The following ROBO1 variants were observed in gnomAD, a reference collection of about 807,000 sequenced individuals.
ROBO1 encodes roundabout homolog 1.
ROBO1 carries 149 observed loss-of-function variants against 195.9 expected under a neutral mutation model. That is an observed-to-expected ratio of 0.76 (90% CI 0.67 to 0.87). The LOEUF is 0.87. Ranked by LOEUF, ROBO1 falls within the 40% of genes least tolerant of loss-of-function variation. ROBO1 has a pLI of 0.00. For synonymous variants in ROBO1, 816 were observed against 733.2 expected (o/e 1.11, Z -1.82); for missense variants, 1,933 against 2,068.3 (o/e 0.93, Z 1.27).
chr3:78,659,866 G>T, intron 16 of ROBO1, 59 bp from the exon 17 acceptor site: 1 of 1,400,942 alleles, frequency 7.1e-7, no homozygotes, highest in Non-Finnish European at 9.6e-7. Flanking sequence ...CTGAAAGCAG[G>T]TAATTAATAT....
intron 1 of ROBO1, among the ~76,000 whole-genome samples, chr3:79,734,904 T>TAATTAATTTAATTAATTTAATAAC (rs1289616172): frequency 6.6e-6 from 1 of 152,220 alleles, no homozygotes; most frequent in Non-Finnish European, 1.5e-5. Flanking sequence ...TTTTAATTTG[T>TAATTAATTTAATTAATTTAATAAC]CTGGATGCTA....
At chr3:78,635,399 G>A (rs1705434527) in intron 23 of ROBO1, among the ~76,000 whole-genome samples, 1 of 152,098 alleles carries the variant, frequency 6.6e-6, no homozygotes, top group Admixed American at 6.6e-5. Context: ...TAACCACATA[G>A]AAGCAATTAT....
chr3:78,667,930 T>C lies in ROBO1; in HGVS notation c.1919A>G (p.Tyr640Cys), dbSNP rs368952773. Residue 640 changes from tyrosine to cysteine, a missense_variant, in exon 14 of 31, where the codon TAT becomes TGT. Transcript: ENST00000464233. ...YLFLVRAANAYGISDPSQISD... is the reference protein window; with the variant it reads ...YLFLVRAANACGISDPSQISD... Reference sequence around the variant, plus strand: ...TATTTGGCTTGGATCACTAATTCCATATGCATTAGCTGCCCTCACAAGGAA... The same window carrying C: ...TATTTGGCTTGGATCACTAATTCCACATGCATTAGCTGCCCTCACAAGGAA... 1.3e-5 allele frequency: 21 copies of C among 1,613,662 alleles called. No individual in the cohort carries two copies. The highest frequency in any genetic ancestry group is 2.2e-5 in the East Asian group (1 of 44,880).
At chr3:78,891,790 C>G (rs1576355289) in intron 4 of ROBO1, among the ~76,000 whole-genome samples, 1 of 152,162 alleles carries the variant, frequency 6.6e-6, no homozygotes, top group East Asian at 1.9e-4. Context: ...TGTGTGTAAA[C>G]TCATAGATGA....
intron 4 of ROBO1, among the ~76,000 whole-genome samples, chr3:78,806,173 T>C (rs1178048132): frequency 6.6e-6 from 1 of 152,076 alleles, no homozygotes; most frequent in East Asian, 1.9e-4. Flanking sequence ...AGGGTCTCAC[T>C]ATGTTAACCA....
chr3:79,691,558 T>C (rs1461711358), intron 1 of ROBO1, among the ~76,000 whole-genome samples: 1 of 151,708 alleles, frequency 6.6e-6, no homozygotes, highest in Non-Finnish European at 1.5e-5. Context: ...GGAAGGGAAA[T>C]TAGTTTTCTC....
At position 79,439,188 on chromosome 3, in the gene ROBO1, A is replaced by G. The variant is rs113347432; in HGVS notation, c.88+150636T>C. On this transcript the variant is annotated intron_variant, in intron 2 of 30. Transcript: ENST00000464233. ...TAATACCACTAATAAATATATGTCT[A>G]CAATGCTTATATAAAGGTATAGTTC... Among the ~76,000 whole-genome samples, 1,388 of 152,208 alleles carry G rather than the reference A, an allele frequency of 9.1e-3. 8 individuals are homozygous for G. The highest frequency in any genetic ancestry group is 0.015 in the Non-Finnish European group (1,010 of 67,960).
At chr3:79,117,348 C>T (rs537622220) in intron 3 of ROBO1, among the ~76,000 whole-genome samples, 27 of 151,046 alleles carry the variant, frequency 1.8e-4, no homozygotes, top group East Asian at 5.9e-4. Context: ...CCAGCCTGGG[C>T]GACAGAGAGA....
At chr3:79,568,392 A>C (rs1249956888) in intron 2 of ROBO1, among the ~76,000 whole-genome samples, 1 of 152,000 alleles carries the variant, frequency 6.6e-6, no homozygotes, top group African/African-American at 2.4e-5. Flanking sequence ...ATTAGAAAAT[A>C]AAAGGCTGGA....
At chr3:79,580,954 C>T (rs1262371642) in intron 2 of ROBO1, among the ~76,000 whole-genome samples, 3 of 152,164 alleles carry the variant, frequency 2.0e-5, no homozygotes, top group African/African-American at 7.2e-5. Flanking sequence ...AGCAATTCTT[C>T]CACGTGAAAT....
At chr3:79,721,013 C>T (rs547116219) in intron 1 of ROBO1, among the ~76,000 whole-genome samples, 24 of 152,214 alleles carry the variant, frequency 1.6e-4, no homozygotes, top group Non-Finnish European at 2.6e-4. Context: ...ACGATGGTCT[C>T]GATCTCCTGA....
intron 4 of ROBO1, among the ~76,000 whole-genome samples, chr3:78,937,149 T>TA (rs1384459546): frequency 2.0e-5 from 3 of 152,064 alleles, no homozygotes; most frequent in Non-Finnish European, 4.4e-5. Flanking sequence ...TTAAGTAATA[T>TA]GAGGCTCTGG....
intron 19 of ROBO1, among the ~76,000 whole-genome samples, chr3:78,650,767 A>C (rs1445010176): frequency 1.3e-5 from 2 of 152,180 alleles, no homozygotes; most frequent in Admixed American, 1.3e-4. Context: ...TGGGCCCTAT[A>C]ATTTGTATAA....
intron 2 of ROBO1, among the ~76,000 whole-genome samples, chr3:79,508,499 G>A (rs73114829): frequency 0.069 from 10,456 of 152,228 alleles, 439 homozygotes; most frequent in East Asian, 0.17. Context: ...AATACACTCA[G>A]TAACAAAGAT....
At position 79,100,160 on chromosome 3, in the gene ROBO1, A is replaced by G. The variant is rs1032106697; in HGVS notation, c.172+25296T>C. On this transcript the variant is annotated intron_variant, in intron 3 of 30. Coordinates refer to ENST00000464233, the MANE Select transcript of ROBO1 (RefSeq NM_002941.4). ...AGTTGGGGAAACACAGAAATCAAATAATGATACCAAACACATCTGGGCACC... is the reference window on the plus strand; with the variant it reads ...AGTTGGGGAAACACAGAAATCAAATGATGATACCAAACACATCTGGGCACC... Among the ~76,000 whole-genome samples, 13 of 151,932 alleles carry G rather than the reference A, an allele frequency of 8.6e-5. 1 individual carries two copies. The South Asian group carries it at 2.7e-3, about 31-fold the overall frequency.
At chr3:79,210,308 C>T (rs1380862784) in intron 2 of ROBO1, among the ~76,000 whole-genome samples, 8 of 152,132 alleles carry the variant, frequency 5.3e-5, no homozygotes, top group Admixed American at 4.6e-4. Flanking sequence ...ATGGTGCTGG[C>T]ATCAACATAG....
At chr3:78,899,587 G>T (rs185132229) in intron 4 of ROBO1, among the ~76,000 whole-genome samples, 17 of 152,076 alleles carry the variant, frequency 1.1e-4, no homozygotes, top group Admixed American at 5.9e-4. Context: ...CATAAATATG[G>T]CATTGCTATA....
chr3:79,733,609 T>C (rs948736275), intron 1 of ROBO1, among the ~76,000 whole-genome samples: 16 of 152,224 alleles, frequency 1.1e-4, no homozygotes, highest in African/African-American at 3.9e-4. Flanking sequence ...ATTTCCTTTC[T>C]TATTCCTCTG....
At chr3:79,382,284 TG>T (rs1261303833) in intron 2 of ROBO1, among the ~76,000 whole-genome samples, 2 of 152,268 alleles carry the variant, frequency 1.3e-5, no homozygotes, top group African/African-American at 4.8e-5. Flanking sequence ...ATAAACCTAC[TG>T]TACAACTTAT....
Sources: gnomAD v4.1 joint callset for allele counts (sites outside exome capture counted in the v4.1 genomes callset) on GRCh38, gnomAD v4.1.1 for gene constraint, MANE v1.5 for transcripts, NCBI Gene and HGNC (gene_info 2026-07-23, HGNC 2026-07-21) for gene names.